Variants in PSPC1 observed in about 807,000 individuals in gnomAD.
PSPC1 encodes paraspeckle component 1.
A neutral mutation model predicts 51.6 loss-of-function variants in PSPC1; 14 were observed. That is an observed-to-expected ratio of 0.27 (90% CI 0.18 to 0.42). The LOEUF (loss-of-function observed/expected upper bound fraction) is 0.42, where lower values mean the gene tolerates loss of function less well. PSPC1 is among the 10% of genes least tolerant of loss of function. The pLI is 1.00. For synonymous variants in PSPC1, 193 were observed against 231.9 expected (o/e 0.83, Z 1.53); for missense variants, 406 against 701.1 (o/e 0.58, Z 4.75).
intron 3 of PSPC1, among the ~76,000 whole-genome samples, chr13:19,756,563 G>C (rs907672444): frequency 6.6e-6 from 1 of 151,670 alleles, no homozygotes. Flanking sequence ...GTGGTGGCGC[G>C]ATCTTGGCTC....
downstream of PSPC1, chr13:19,671,782 G>A (rs1876143079): frequency 1.0e-5 from 16 of 1,573,936 alleles, no homozygotes; most frequent in Admixed American, 1.8e-5. Context: ...TTTCTTGTAA[G>A]AAAGGGGAAA....
At chr13:19,729,120 A>G (rs1883729379) in intron 6 of PSPC1, among the ~76,000 whole-genome samples, 1 of 152,188 alleles carries the variant, frequency 6.6e-6, no homozygotes, top group African/African-American at 2.4e-5. Flanking sequence ...CTCTAGCCAA[A>G]TTAATTTTAT....
intron 2 of PSPC1, among the ~76,000 whole-genome samples, chr13:19,762,382 G>A (rs1016088268): frequency 6.6e-6 from 1 of 151,916 alleles, no homozygotes; most frequent in Non-Finnish European, 1.5e-5. Context: ...ATAGTGAAAT[G>A]CCATCTCTAC....
intron 6 of PSPC1, among the ~76,000 whole-genome samples, chr13:19,726,585 C>T (rs1420022247): frequency 6.6e-6 from 1 of 152,142 alleles, no homozygotes; most frequent in African/African-American, 2.4e-5. Context: ...TTAAAAGCTC[C>T]TTGAGTGTTT....
chr13:19,710,694 A>C (rs377672102), intron 6 of PSPC1, among the ~76,000 whole-genome samples: 7 of 152,164 alleles, frequency 4.6e-5, no homozygotes, highest in Admixed American at 1.3e-4. Flanking sequence ...AAACTGCCTA[A>C]CTTAAATGGA....
At chr13:19,752,521 G>A (rs1419401642) in intron 3 of PSPC1, among the ~76,000 whole-genome samples, 2 of 151,714 alleles carry the variant, frequency 1.3e-5, no homozygotes, top group Non-Finnish European at 2.9e-5. Flanking sequence ...CTCCAAAAGT[G>A]CAAAATTACA....
downstream of PSPC1, among the ~76,000 whole-genome samples, chr13:19,702,211 G>T (rs1241473111): frequency 1.3e-5 from 2 of 152,142 alleles, no homozygotes; most frequent in Non-Finnish European, 2.9e-5. Context: ...TTTTACTGGA[G>T]AAATGTCCAA....
intron 7 of PSPC1, among the ~76,000 whole-genome samples, chr13:19,708,175 A>C (rs1369688164): frequency 1.3e-5 from 2 of 152,224 alleles, no homozygotes; most frequent in African/African-American, 4.8e-5. Flanking sequence ...AGTATTGAAA[A>C]ACTGGCAACA....
intron 6 of PSPC1, among the ~76,000 whole-genome samples, chr13:19,726,145 C>CA (rs1883337943): frequency 6.6e-6 from 1 of 152,084 alleles, no homozygotes; most frequent in Non-Finnish European, 1.5e-5. Flanking sequence ...CCAGCCTGGG[C>CA]AACACAGCAA....
chr13:19,760,073 G>C (rs1034161450), intron 2 of PSPC1, among the ~76,000 whole-genome samples: 1 of 152,098 alleles, frequency 6.6e-6, no homozygotes, highest in Non-Finnish European at 1.5e-5. Flanking sequence ...GCTATTGATT[G>C]ATTTTTATGA....
chr13:19,678,535 T>C (rs1411975912), intron 6 of PSPC1: 2 of 152,162 alleles, frequency 1.3e-5, no homozygotes, highest in African/African-American at 2.4e-5. Context: ...TCCAAAAATA[T>C]TGGAAATCAT....
chr13:19,672,498 T>TAAAAAAAAA (rs58492348), downstream of PSPC1: 1 of 128,104 alleles, frequency 7.8e-6, no homozygotes, highest in Non-Finnish European at 1.7e-5. Context: ...CTTCTGTGCT[T>TAAAAAAAAA]AAAAAAAAAA....
chr13:19,694,895 G>A (rs1050216696), intron 6 of PSPC1, among the ~76,000 whole-genome samples: 4 of 152,174 alleles, frequency 2.6e-5, no homozygotes, highest in Non-Finnish European at 5.9e-5. Flanking sequence ...AAGAGTAGCT[G>A]TCATTTTCTC....
chr13:19,780,191 G>A, intron 1 of PSPC1, among the ~76,000 whole-genome samples: 1 of 131,828 alleles, frequency 7.6e-6, no homozygotes. Context: ...GAGGTGGGGG[G>A]GGTCAGCCCC....
intron 4 of PSPC1, among the ~76,000 whole-genome samples, chr13:19,745,446 T>G (rs1885869434): frequency 6.6e-6 from 1 of 152,140 alleles, no homozygotes; most frequent in Non-Finnish European, 1.5e-5. Context: ...ACTAAAATTT[T>G]GATTTGCTAG....
At chr13:19,748,312 A>T (rs1417831881) in intron 4 of PSPC1, among the ~76,000 whole-genome samples, 1 of 152,240 alleles carries the variant, frequency 6.6e-6, no homozygotes, top group Non-Finnish European at 1.5e-5. Context: ...ACTGAAATTT[A>T]CCAATTGCAG....
intron 6 of PSPC1, among the ~76,000 whole-genome samples, chr13:19,681,972 T>A (rs543962431): frequency 6.6e-6 from 1 of 152,250 alleles, no homozygotes; most frequent in East Asian, 1.9e-4. Flanking sequence ...ACAGACAGTA[T>A]AAAGAAATAG....
At position 19,714,495 on chromosome 13, in the gene PSPC1, C is replaced by CTTT. The variant is rs59072226; in HGVS notation, c.1159-4899_1159-4897dup. On this transcript the variant is annotated intron_variant, in intron 6 of 8. Transcript: ENST00000338910. ...AAATTCAAAGCAGCCCAGCGGATTTCTTTTTTTTTTTTTTTTTCCTTTGTC... is the reference window on the plus strand; with the variant it reads ...AAATTCAAAGCAGCCCAGCGGATTTCTTTTTTTTTTTTTTTTTTTTCCTTTGTC... Among the ~76,000 whole-genome samples, 434 of 135,052 alleles carry CTTT rather than the reference C, an allele frequency of 3.2e-3. 3 individuals carry two copies. The highest frequency in any genetic ancestry group is 0.011 in the African/African-American group (422 of 36,986). The allele number at this position is 135,052 out of a possible 152,430, so 88.6% of individuals were successfully genotyped here.
At position 19,762,712 on chromosome 13, in the gene PSPC1, T is replaced by C. The variant is rs1017602770; in HGVS notation, c.675-3294A>G. On this transcript the variant is annotated intron_variant, in intron 2 of 8. Coordinates refer to ENST00000338910, the MANE Select transcript of PSPC1 (RefSeq NM_001354909.2). ...ACATGCTAAAATGTGTTTCTATCTA[T>C]GGTTTCATTGTACATACACCACTCC... Among the ~76,000 whole-genome samples the C allele has an allele frequency of 3.9e-5, 6 of 152,378 alleles. No homozygotes were observed. The East Asian group carries it at 5.8e-4, about 15-fold the overall frequency.
Sources: gnomAD v4.1 joint callset for allele counts (sites outside exome capture counted in the v4.1 genomes callset) on GRCh38, gnomAD v4.1.1 for gene constraint, MANE v1.5 for transcripts, NCBI Gene and HGNC (gene_info 2026-07-23, HGNC 2026-07-21) for gene names.